ADGRE3: variants seen among roughly 807,000 people sequenced by gnomAD.
ADGRE3 encodes the protein adhesion G protein-coupled receptor E3, also known as EGF-like module receptor 3.
ADGRE3 carries 88 observed loss-of-function variants against 80.1 expected under a neutral mutation model. The observed-to-expected ratio is 1.10, with a 90% CI of 0.93 to 1.31. The LOEUF is 1.31. Among genes scored for constraint, ADGRE3 ranks in the 40% most tolerant of loss-of-function variants. The pLI is 0.00. For missense variants in ADGRE3, 715 were observed against 776.5 expected, an observed-to-expected ratio of 0.92 and a Z score of 0.94; for synonymous variants, 281 against 294.8, an observed-to-expected ratio of 0.95 and a Z score of 0.48.
At chr19:14,659,619 G>A (rs962805496) in intron 4 of ADGRE3, among the ~76,000 whole-genome samples, 2 of 151,634 alleles carry the variant, frequency 1.3e-5, no homozygotes, top group South Asian at 2.1e-4. Context: ...CTAGGCATTC[G>A]AGACCAGCCT....
At chr19:14,665,805 T>C (rs1351532221) in intron 2 of ADGRE3, among the ~76,000 whole-genome samples, 1 of 150,178 alleles carries the variant, frequency 6.7e-6, no homozygotes, top group East Asian at 1.9e-4. Flanking sequence ...TGGAATTTTA[T>C]TTTTGGATAA....
intron 1 of ADGRE3, among the ~76,000 whole-genome samples, chr19:14,673,524 G>A (rs1278121508): frequency 6.6e-6 from 1 of 152,156 alleles, no homozygotes; most frequent in African/African-American, 2.4e-5. Context: ...CCTGTGGGAG[G>A]AGCATTATAG....
intron 5 of ADGRE3, among the ~76,000 whole-genome samples, chr19:14,655,367 C>G (rs975234321): frequency 5.3e-5 from 8 of 152,088 alleles, no homozygotes; most frequent in Non-Finnish European, 8.8e-5. Flanking sequence ...AAAAGGAACT[C>G]AAAGGGTTTT....
chr19:14,625,663 G>T, intron 14 of ADGRE3, 64 bp from the exon 15 acceptor site: 1 of 969,504 alleles, frequency 1.0e-6, no homozygotes, highest in Non-Finnish European at 1.7e-6. Flanking sequence ...AGAAAGGTCG[G>T]TGAGTCAGGA....
chr19:14,655,578 C>T (rs1971732121), intron 5 of ADGRE3, among the ~76,000 whole-genome samples: 1 of 151,988 alleles, frequency 6.6e-6, no homozygotes, highest in African/African-American at 2.4e-5. Flanking sequence ...GCTTCAGTCT[C>T]CTGAGTAGCT....
chr19:14,663,598 A>C, intron 2 of ADGRE3, 58 bp from the exon 3 acceptor site: 1 of 1,562,996 alleles, frequency 6.4e-7, no homozygotes, highest in Non-Finnish European at 8.7e-7. Flanking sequence ...TCCTGTTATA[A>C]TTAGGCCCTG....
chr19:14,663,148 G>T (rs1306466339), intron 3 of ADGRE3, among the ~76,000 whole-genome samples: 1 of 151,712 alleles, frequency 6.6e-6, no homozygotes, highest in African/African-American at 2.4e-5. Flanking sequence ...GATTATAAGC[G>T]CCCCACACCA....
intron 8 of ADGRE3, among the ~76,000 whole-genome samples, chr19:14,645,419 G>A (rs1286294091): frequency 6.6e-6 from 1 of 152,110 alleles, no homozygotes; most frequent in East Asian, 1.9e-4. Flanking sequence ...AGCACTTTGG[G>A]AAGCCAAGGC....
At chr19:14,637,601 A>C (rs1021526624) in intron 11 of ADGRE3, among the ~76,000 whole-genome samples, 1 of 150,268 alleles carries the variant, frequency 6.7e-6, no homozygotes, top group Non-Finnish European at 1.5e-5. Context: ...AGGTCTTGCT[A>C]TGTTGCCCAG....
chr19:14,607,724 C>T, the ADGRE3 span, among the ~76,000 whole-genome samples: 8 of 151,734 alleles, frequency 5.3e-5, no homozygotes, highest in Admixed American at 5.3e-4. Context: ...TTACAGACAC[C>T]CGCCGTCGTG....
downstream of ADGRE3, among the ~76,000 whole-genome samples, chr19:14,614,939 G>A (rs1347479678): frequency 6.7e-6 from 1 of 149,900 alleles, no homozygotes; most frequent in Non-Finnish European, 1.5e-5. Context: ...AGGCTGAAGT[G>A]CAGTGGTGCA....
the ADGRE3 span, among the ~76,000 whole-genome samples, chr19:14,608,728 G>GTGGGGGTGAGGTAAAATGGCTGAGTGAA: frequency 6.7e-6 from 1 of 148,784 alleles, no homozygotes; most frequent in East Asian, 2.0e-4. Flanking sequence ...CTGCCTCCCA[G>GTGGGGGTGAGGTAAAATGGCTGAGTGAA]GCTCAAGTGA....
chr19:14,655,212 A>G (rs1268239497), intron 5 of ADGRE3, 47 bp from the exon 6 acceptor site: 2 of 1,531,064 alleles, frequency 1.3e-6, no homozygotes, highest in Admixed American at 1.9e-5. Context: ...GTAATCTGGT[A>G]AGTCCCATAT....
intron 15 of ADGRE3, among the ~76,000 whole-genome samples, chr19:14,620,541 ATATATATT>A (rs1970547899): frequency 5.4e-4 from 8 of 14,794 alleles, no homozygotes; most frequent in Non-Finnish European, 7.6e-4. Context: ...TATATTTTAT[ATATATATT>A]ATATATATAT....
chr19:14,607,487 G>A, the ADGRE3 span, among the ~76,000 whole-genome samples: 14 of 151,906 alleles, frequency 9.2e-5, no homozygotes, highest in East Asian at 1.9e-3. Flanking sequence ...ACAGGCGTGA[G>A]CCACCGCGCC....
the ADGRE3 span, among the ~76,000 whole-genome samples, chr19:14,608,229 T>A: frequency 6.6e-6 from 1 of 152,224 alleles, no homozygotes; most frequent in Non-Finnish European, 1.5e-5. Context: ...GCCATTGCCT[T>A]AAATCTCCTG....
chr19:14,611,935 C>T, the ADGRE3 span, among the ~76,000 whole-genome samples: 4 of 152,114 alleles, frequency 2.6e-5, no homozygotes, highest in South Asian at 2.1e-4. Context: ...ACCCAGGAGG[C>T]GGAGGTTGCA....
chr19:14,619,870 C>T lies in ADGRE3; in HGVS notation c.1921-399G>A, dbSNP rs531482602. Among the ~76,000 whole-genome samples the T allele has an allele frequency of 5.9e-5, 9 of 152,318 alleles. No individual in the cohort carries two copies. In the South Asian group the frequency reaches 1.9e-3, roughly 32 times the overall value. On this transcript the variant is annotated intron_variant, in intron 15 of 15. Coordinates refer to ENST00000253673, the MANE Select transcript of ADGRE3 (RefSeq NM_032571.5). Reference sequence around the variant, plus strand: ...TGTTCTCTTTGCACCCCACAACTTACAGCTTGGTTTAGCAGCCCCAAGCTC... The same window carrying T: ...TGTTCTCTTTGCACCCCACAACTTATAGCTTGGTTTAGCAGCCCCAAGCTC...
intron 5 of ADGRE3, among the ~76,000 whole-genome samples, chr19:14,656,013 A>T (rs1195171795): frequency 2.0e-5 from 3 of 151,852 alleles, no homozygotes; most frequent in Non-Finnish European, 4.4e-5. Context: ...GACACACACG[A>T]GGAGTGAGTT....
Sources: allele counts gnomAD v4.1 joint callset (sites outside exome capture counted in the v4.1 genomes callset), GRCh38; gene constraint gnomAD v4.1.1; transcripts MANE v1.5; gene names NCBI Gene and HGNC (gene_info 2026-07-23, HGNC 2026-07-21).